Variants in GNA15 observed in about 807,000 individuals in gnomAD.
GNA15 encodes guanine nucleotide-binding protein subunit alpha-15.
GNA15 carries 23 observed loss-of-function variants against 40.1 expected under a neutral mutation model. The observed-to-expected ratio is 0.57, with a 90% CI of 0.41 to 0.81. The LOEUF (loss-of-function observed/expected upper bound fraction) is 0.81, where lower values mean the gene tolerates loss of function less well. Ranked by LOEUF, GNA15 falls within the 40% of genes least tolerant of loss-of-function variation. The pLI, the probability that GNA15 is intolerant of heterozygous loss-of-function variation, is 0.00. For synonymous variants in GNA15, 226 were observed against 210.4 expected (o/e 1.07, Z -0.64); for missense variants, 522 against 515.8 (o/e 1.01, Z -0.12).
chr19:3,148,749 A>C lies in GNA15; in HGVS notation c.304A>C (p.Ile102Leu). The change falls in exon 2 of 7, where the codon ATT becomes CTT. Residue 102 changes from isoleucine to leucine, a missense_variant. Physicochemically the swap from Ile to Leu is conservative, Grantham distance 5. Coordinates refer to ENST00000262958, the MANE Select transcript of GNA15 (RefSeq NM_002068.4). ...AMIEAMERLQ[I>L]PFSRPESKHH... is the part of the protein sequence containing the mutation. ...GATCGAGGCCATGGAGCGGCTGCAGATTCCATTCAGCAGGCCCGAGAGCAA... is the reference window on the plus strand; with the variant it reads ...GATCGAGGCCATGGAGCGGCTGCAGCTTCCATTCAGCAGGCCCGAGAGCAA... 6.2e-7 allele frequency: 1 copy of C among 1,602,664 alleles called. No individual in the cohort carries two copies. The highest frequency in any genetic ancestry group is 8.5e-7 in the Non-Finnish European group (1 of 1,175,246).
chr19:3,147,887 CAAAA>C (rs369228868), intron 1 of GNA15, among the ~76,000 whole-genome samples: 2 of 107,528 alleles, frequency 1.9e-5, no homozygotes, highest in Admixed American at 1.1e-4. Flanking sequence ...GACTCCATCT[CAAAA>C]AAAAAAAAAA....
intron 5 of GNA15, among the ~76,000 whole-genome samples, chr19:3,156,194 A>AGTG (rs1555707132): frequency 4.2e-4 from 39 of 92,066 alleles, no homozygotes; most frequent in Admixed American, 1.1e-3. Flanking sequence ...ACACACACAC[A>AGTG]CACACACACT....
In GNA15 at chr19:3,150,314, G is replaced by A. The variant is rs111976666; in HGVS notation, c.485+29G>A. 47 of 1,516,312 alleles carry A rather than the reference G, an allele frequency of 3.1e-5. 1 individual carries two copies. Among genetic ancestry groups the A allele is most frequent in the African/African-American group, 2.7e-4 (19 of 71,426 alleles). The allele number at this position is 1,516,312 out of a possible 1,614,324, so 93.9% of individuals were successfully genotyped here. A position where few individuals can be genotyped will look rare whatever the true frequency, so the allele number is the denominator to read the frequency against. On this transcript the variant is annotated intron_variant, in intron 3 of 6. Coordinates refer to ENST00000262958, the MANE Select transcript of GNA15 (RefSeq NM_002068.4). ...AGTCTGGGGTCTGCGGGGGATGGGCGCGTGGGGAGGGGCTGAGGGCAGGGG... is the reference window on the plus strand; with the variant it reads ...AGTCTGGGGTCTGCGGGGGATGGGCACGTGGGGAGGGGCTGAGGGCAGGGG...
At chr19:3,146,073 C>T (rs1473566528) in intron 1 of GNA15, among the ~76,000 whole-genome samples, 3 of 152,140 alleles carry the variant, frequency 2.0e-5, no homozygotes, top group Non-Finnish European at 4.4e-5. Flanking sequence ...GCTCCCATTT[C>T]CTCTTTCTGG....
intron 6 of GNA15, among the ~76,000 whole-genome samples, chr19:3,160,387 A>G (rs17347521): frequency 0.17 from 26,097 of 151,964 alleles, 2,542 homozygotes; most frequent in Non-Finnish European, 0.22. Flanking sequence ...GCCTCTTCAC[A>G]TGGTTTGAGC....
At chr19:3,147,291 G>T (rs372264557) in intron 1 of GNA15, among the ~76,000 whole-genome samples, 1 of 151,346 alleles carries the variant, frequency 6.6e-6, no homozygotes, top group East Asian at 2.0e-4. Context: ...GGTGGCTCAC[G>T]CCTGTAATCC....
intron 1 of GNA15, among the ~76,000 whole-genome samples, chr19:3,146,135 C>G (rs759932480): frequency 6.6e-6 from 1 of 152,126 alleles, no homozygotes; most frequent in Non-Finnish European, 1.5e-5. Flanking sequence ...TCGATCAAGT[C>G]CTGCCTGCAC....
In GNA15 at chr19:3,155,953, G is replaced by T. The variant is rs1021786002; in HGVS notation, c.744+1G>T. The T allele has an allele frequency of 6.2e-7, 1 of 1,613,600 alleles. No homozygotes were observed. Among genetic ancestry groups the T allele is most frequent in the African/African-American group, 1.3e-5 (1 of 75,002 alleles). ...GTGCCTGGAGGAGAACAACCAGGAG[G>T]TGCGCCACCGCCTCCCTCGCCCTGC... is the stretch of plus-strand genomic sequence containing the variant. On this transcript the variant is annotated splice_donor_variant, in intron 5 of 6. Transcript: ENST00000262958. LOFTEE classifies it high-confidence loss of function. The surrounding 1 kb of genome is among the most constrained non-coding windows in gnomAD (Gnocchi z 5.6).
chr19:3,153,257 TA>T (rs3216349), intron 4 of GNA15, among the ~76,000 whole-genome samples: 70,214 of 141,224 alleles, frequency 0.5, 18,121 homozygotes, highest in Non-Finnish European at 0.61. Flanking sequence ...TGGGAATCTT[TA>T]AAAAAAAAAA....
rs542830187 is a variant in GNA15, at chr19:3,136,920, G to A, written c.145+325G>A. ...ACGCCCTACCTGTCTGTGTCATGGCGAGGGAATGATGAGCTCAGGTGTGCA... is the reference window on the plus strand; with the variant it reads ...ACGCCCTACCTGTCTGTGTCATGGCAAGGGAATGATGAGCTCAGGTGTGCA... On this transcript the variant is annotated intron_variant, in intron 1 of 6. Transcript: ENST00000262958. This position sits in a 1 kb window ranked among gnomAD's most constrained non-coding sequence, Gnocchi z 4.9. Among the ~76,000 whole-genome samples the A allele has an allele frequency of 9.2e-5, 14 of 152,362 alleles. No individual in the cohort carries two copies. The highest frequency in any genetic ancestry group is 2.2e-4 in the African/African-American group (9 of 41,588).
At chr19:3,148,815 G>T in intron 2 of GNA15, 40 bp downstream of exon 2, 6 of 1,539,192 alleles carry the variant, frequency 3.9e-6, no homozygotes, top group African/African-American at 1.4e-5. Context: ...GGCAGGCAGG[G>T]GCCCAGGGCA....
At chr19:3,146,747 T>G (rs1914731841) in intron 1 of GNA15, among the ~76,000 whole-genome samples, 1 of 150,140 alleles carries the variant, frequency 6.7e-6, no homozygotes, top group South Asian at 2.1e-4. Flanking sequence ...CCCCACAGCC[T>G]GTCCTCCCTG....
At chr19:3,162,041 AATAATAATAATAATG>A (rs1796511516) in intron 6 of GNA15, among the ~76,000 whole-genome samples, 1 of 151,304 alleles carries the variant, frequency 6.6e-6, no homozygotes, top group Admixed American at 6.6e-5. Context: ...TCAAAATAAT[AATAATAATAATAATG>A]ATAATAATAA....
intron 5 of GNA15, among the ~76,000 whole-genome samples, chr19:3,156,402 C>T (rs1053178838): frequency 1.1e-4 from 16 of 151,810 alleles, no homozygotes; most frequent in African/African-American, 3.9e-4. Context: ...CGCATATGTA[C>T]ACATGCGCAC....
rs1210916073 is a variant in GNA15 at position 3,163,434 on chromosome 19, C to A, written c.*415C>A. On this transcript the variant is annotated 3_prime_UTR_variant, in exon 7 of 7. Coordinates refer to ENST00000262958, the MANE Select transcript of GNA15 (RefSeq NM_002068.4). ...GGATGGGGCTAGTAGAGCCTTCAGG[C>A]GCCTTCGGGCGTGGACTCTGGCGCA... is the stretch of plus-strand genomic sequence containing the variant. 3 of 222,734 alleles carry A rather than the reference C, an allele frequency of 1.3e-5. No homozygotes were observed. Among genetic ancestry groups the A allele is most frequent in the African/African-American group, 2.3e-5 (1 of 43,460 alleles). 13.8% of individuals were successfully genotyped at this position (222,734 alleles called of 1,614,324 possible).
At chr19:3,158,182 GCT>G (rs1915072728) in intron 6 of GNA15, among the ~76,000 whole-genome samples, 1 of 152,042 alleles carries the variant, frequency 6.6e-6, no homozygotes, top group African/African-American at 2.4e-5. Context: ...ACAGAGTCTT[GCT>G]CTGTCACCAG....
At chr19:3,156,040 C>A in intron 5 of GNA15, 88 bp downstream of exon 5, 1 of 1,297,134 alleles carries the variant, frequency 7.7e-7, no homozygotes. Context: ...AGGGAGGGAT[C>A]CCTGCTCTTG....
In GNA15 at chr19:3,155,306, T is replaced by TG. The variant is rs1225541120; in HGVS notation, c.615-512dup. On this transcript the variant is annotated intron_variant, in intron 4 of 6. Transcript: ENST00000262958. The surrounding 1 kb of genome is among the most constrained non-coding windows in gnomAD (Gnocchi z 5.6). ...TCTCAGAAGAGAGAGAACAGGAAGG[T>TG]GGGGGCAGGGTTCAGGCTTTTGTTA... is the stretch of plus-strand genomic sequence containing the variant. 6.5e-6 allele frequency: 1 copy of TG among 153,012 alleles called. No homozygotes were observed. Among genetic ancestry groups the TG allele is most frequent in the African/African-American group, 2.4e-5 (1 of 41,310 alleles). The allele number at this position is 153,012 out of a possible 1,614,324, so 9.5% of individuals were successfully genotyped here.
chr19:3,137,007 C>T (rs1025506735), intron 1 of GNA15, among the ~76,000 whole-genome samples: 2 of 152,232 alleles, frequency 1.3e-5, no homozygotes, highest in African/African-American at 2.4e-5. Flanking sequence ...TTCACCAGGA[C>T]GCTCCCTCTC....
Sources: gnomAD v4.1 joint callset for allele counts (sites outside exome capture counted in the v4.1 genomes callset) on GRCh38, gnomAD v4.1.1 for gene constraint, Gnocchi (gnomAD v3.1) non-coding constraint, MANE v1.5 for transcripts, NCBI Gene and HGNC (gene_info 2026-07-23, HGNC 2026-07-21) for gene names.